Variants in SEM1 observed in about 807,000 individuals in gnomAD.
SEM1 encodes the protein 26S proteasome complex subunit SEM1.
Under a neutral mutation model 12.7 loss-of-function variants are expected in SEM1, and 3 were observed. That is an observed-to-expected ratio of 0.24 (90% CI 0.11 to 0.61). The LOEUF is 0.61. SEM1 is among the 20% of genes least tolerant of loss of function. SEM1 has a pLI of 0.88. For synonymous variants in SEM1, 30 were observed against 27.8 expected (o/e 1.08, Z -0.25); for missense variants, 59 against 81.3 (o/e 0.73, Z 1.06).
At chr7:96,594,828 AAC>A (rs1439830867) in intron 2 of SEM1, among the ~76,000 whole-genome samples, 4 of 152,216 alleles carry the variant, frequency 2.6e-5, no homozygotes, top group Non-Finnish European at 5.9e-5. Context: ...TGAAACTAAA[AAC>A]ACTAAAAATG....
At chr7:96,549,166 A>G (rs10953182) in intron 2 of SEM1, among the ~76,000 whole-genome samples, 93,326 of 152,040 alleles carry the variant, frequency 0.61, 29,400 homozygotes, top group Non-Finnish European at 0.69. Context: ...AAAGCAGTAA[A>G]AGGGGTCCAG....
chr7:96,508,320 G>A (rs1803820113), intron 2 of SEM1, among the ~76,000 whole-genome samples: 1 of 152,012 alleles, frequency 6.6e-6, no homozygotes, highest in African/African-American at 2.4e-5. Flanking sequence ...TAAGAAATAG[G>A]GAAGATGAGG....
intron 2 of SEM1, among the ~76,000 whole-genome samples, chr7:96,559,992 A>C (rs1805642285): frequency 6.6e-6 from 1 of 152,158 alleles, no homozygotes; most frequent in South Asian, 2.1e-4. Context: ...AAAACCCAAA[A>C]AACTTTTAGA....
intron 3 of SEM1, among the ~76,000 whole-genome samples, chr7:96,505,353 C>G (rs937506945): frequency 6.6e-6 from 1 of 152,110 alleles, no homozygotes; most frequent in Non-Finnish European, 1.5e-5. Flanking sequence ...ATCCACCCAC[C>G]TCAGCCTCCC....
chr7:96,663,942 C>A (rs1789086656), intron 2 of SEM1, among the ~76,000 whole-genome samples: 1 of 152,106 alleles, frequency 6.6e-6, no homozygotes, highest in Non-Finnish European at 1.5e-5. Flanking sequence ...CCAGTTCATA[C>A]CCACAAGATT....
chr7:96,575,050 T>C (rs1806161177), intron 2 of SEM1, among the ~76,000 whole-genome samples: 1 of 152,146 alleles, frequency 6.6e-6, no homozygotes, highest in South Asian at 2.1e-4. Context: ...GTTGTTCTGG[T>C]TTTTGGAATT....
chr7:96,653,006 T>C (rs556263586), intron 2 of SEM1, among the ~76,000 whole-genome samples: 1 of 152,326 alleles, frequency 6.6e-6, no homozygotes, highest in East Asian at 1.9e-4. Context: ...TGCCAAGCAC[T>C]AAGCTACATG....
intron 2 of SEM1, among the ~76,000 whole-genome samples, chr7:96,573,028 A>G (rs1342398641): frequency 6.6e-6 from 1 of 151,548 alleles, no homozygotes; most frequent in South Asian, 2.1e-4. Flanking sequence ...TCCCTTTACC[A>G]TTATGTAATG....
intron 2 of SEM1, among the ~76,000 whole-genome samples, chr7:96,663,461 G>T (rs1029229093): frequency 6.6e-6 from 1 of 152,270 alleles, no homozygotes. Flanking sequence ...GCAGCAGTGT[G>T]GGGGAGAGTC....
At chr7:96,679,524 AATG>A (rs1409945798) in intron 2 of SEM1, among the ~76,000 whole-genome samples, 1 of 152,130 alleles carries the variant, frequency 6.6e-6, no homozygotes, top group Non-Finnish European at 1.5e-5. Flanking sequence ...ATTGAGCTTT[AATG>A]ATGCCATTAT....
At chr7:96,589,501 G>C (rs1554657) in intron 2 of SEM1, among the ~76,000 whole-genome samples, 141,345 of 152,094 alleles carry the variant, frequency 0.93, 66,540 homozygotes, top group East Asian at 1. Context: ...GCACCTGGCA[G>C]TCCCTGTGTG....
chr7:96,529,281 A>T (rs1234329330), intron 2 of SEM1, among the ~76,000 whole-genome samples: 1 of 152,148 alleles, frequency 6.6e-6, no homozygotes, highest in African/African-American at 2.4e-5. Context: ...AAAAATGTTA[A>T]TTTATAAAGT....
intron 1 of SEM1, among the ~76,000 whole-genome samples, chr7:96,487,951 A>G (rs1802839118): frequency 6.7e-6 from 1 of 150,190 alleles, no homozygotes; most frequent in African/African-American, 2.5e-5. Flanking sequence ...TCCAAGGCAG[A>G]TGTCCCCAAG....
rs972300778 is a variant in SEM1, at chr7:96,523,661, C to A, written c.171-16963G>T. ...CACCAACTCCTGGATACTCTTCCACCTTCAGCACCTGCCCAGTCTTCTCCC... is the reference window on the plus strand; with the variant it reads ...CACCAACTCCTGGATACTCTTCCACATTCAGCACCTGCCCAGTCTTCTCCC... On this transcript the variant is annotated intron_variant and NMD_transcript_variant, in intron 2 of 3. Transcript: ENST00000466986. Among the ~76,000 whole-genome samples the A allele has an allele frequency of 7.2e-5, 11 of 152,218 alleles. No homozygotes were observed. The East Asian group carries it at 1.6e-3, about 22-fold the overall frequency.
intron 2 of SEM1, among the ~76,000 whole-genome samples, chr7:96,589,848 C>T (rs1183526052): frequency 6.6e-6 from 1 of 152,156 alleles, no homozygotes; most frequent in South Asian, 2.1e-4. Flanking sequence ...TTGCTTTTCT[C>T]ATAAGGCTTC....
intron 2 of SEM1, among the ~76,000 whole-genome samples, chr7:96,693,179 C>T (rs1789979600): frequency 6.7e-6 from 1 of 149,980 alleles, no homozygotes; most frequent in South Asian, 2.1e-4. Flanking sequence ...AACTATTTCA[C>T]TTTCTGTTTG....
chr7:96,563,163 G>C (rs895256728), intron 2 of SEM1, among the ~76,000 whole-genome samples: 1 of 152,028 alleles, frequency 6.6e-6, no homozygotes, highest in Non-Finnish European at 1.5e-5. Flanking sequence ...ACATGCAAAA[G>C]GATGGCCTTA....
At chr7:96,688,685 C>A (rs111489386), downstream of SEM1, 2 of 337,246 alleles carry the variant, frequency 5.9e-6, no homozygotes, top group African/African-American at 4.3e-5. Flanking sequence ...ATTTTACTAT[C>A]TATATATAAT....
rs75998712 is a variant in SEM1 at position 96,537,715 on chromosome 7, G to T, written c.171-31017C>A. 5.6e-3 allele frequency among the ~76,000 whole-genome samples: 845 copies of T among 151,678 alleles called. 7 individuals are homozygous for T. Among genetic ancestry groups the T allele is most frequent in the African/African-American group, 0.02 (813 of 41,450 alleles). ...GCTTGATTTGCTGCAGGTTGATTAT[G>T]ATATGCCTAGATTTTTTGTTTCTTT... On this transcript the variant is annotated intron_variant and NMD_transcript_variant, in intron 2 of 3. Transcript: ENST00000466986.
Sources: gnomAD v4.1 joint callset for allele counts (sites outside exome capture counted in the v4.1 genomes callset) on GRCh38, gnomAD v4.1.1 for gene constraint, MANE v1.5 for transcripts, NCBI Gene and HGNC (gene_info 2026-07-23, HGNC 2026-07-21) for gene names.